Variants in LOXHD1 observed in about 807,000 individuals in gnomAD.
LOXHD1 encodes the protein lipoxygenase homology PLAT domains 1, also known as lipoxygenase homology domain-containing protein 1.
Under a neutral mutation model 248.2 loss-of-function variants are expected in LOXHD1, and 205 were observed. The ratio of observed to expected loss-of-function variants is 0.83; its 90% CI spans 0.74 to 0.93. LOXHD1 has a LOEUF of 0.93. LOXHD1 is among the 40% of genes least tolerant of loss of function. The probability of loss-of-function intolerance (pLI) is 0.00; values close to 1 mark genes in which losing one functional copy is unlikely to be tolerated. For missense variants in LOXHD1, 2,930 were observed against 2,971.6 expected, an observed-to-expected ratio of 0.99 and a Z score of 0.33; for synonymous variants, 1,113 against 1,162.8, an observed-to-expected ratio of 0.96 and a Z score of 0.87.
At chr18:46,605,445 T>C (rs946376792) in intron 6 of LOXHD1, among the ~76,000 whole-genome samples, 6 of 151,886 alleles carry the variant, frequency 4.0e-5, no homozygotes, top group African/African-American at 1.5e-4. Context: ...ACCCAGGAGG[T>C]AGAGCTTGCA....
Position 46,579,696 on chromosome 18 carries a change from C to G in LOXHD1, c.1743G>C (p.Val581=). Residue 581 remains valine (V), a synonymous_variant, in exon 13 of 41, where the codon GTG becomes GTC. Transcript: ENST00000642948. The stretch of plus-strand genomic sequence containing the variant: ...AGAGCAGCCGTTCCCCCGTGTCCCC[C>G]ACATCACCAAAAAGGCAGAGATAGA... The part of the protein sequence containing the change: ...ANVYLCLFGD[V]GDTGERLLYN... The G allele has an allele frequency of 1.9e-6, 3 of 1,551,768 alleles. No individual in the cohort carries two copies. The highest frequency in any genetic ancestry group is 1.4e-5 in the African/African-American group (1 of 73,150).
chr18:46,607,320 C>T (rs1419880072), intron 6 of LOXHD1, among the ~76,000 whole-genome samples: 1 of 149,842 alleles, frequency 6.7e-6, no homozygotes, highest in Non-Finnish European at 1.5e-5. Flanking sequence ...TATATATACA[C>T]ATATATGTGC....
chr18:46,500,838 C>G (rs999057366), intron 37 of LOXHD1, among the ~76,000 whole-genome samples: 1 of 152,132 alleles, frequency 6.6e-6, no homozygotes, highest in African/African-American at 2.4e-5. Context: ...CACATGTGTT[C>G]CTTCATTTTA....
intron 20 of LOXHD1, chr18:46,557,878 C>A: frequency 8.7e-7 from 1 of 1,148,440 alleles, no homozygotes; most frequent in Non-Finnish European, 1.1e-6. Flanking sequence ...TAATCTGCTT[C>A]AATCACATAT....
At chr18:46,614,462 C>T (rs1223698683) in intron 5 of LOXHD1, among the ~76,000 whole-genome samples, 3 of 152,054 alleles carry the variant, frequency 2.0e-5, no homozygotes, top group Non-Finnish European at 2.9e-5. Flanking sequence ...AGCAAACTAT[C>T]GCAAGGATAG....
chr18:46,560,580 C>T, intron 18 of LOXHD1, 35 bp from the exon 19 acceptor site: 1 of 1,489,422 alleles, frequency 6.7e-7, no homozygotes. Context: ...TGTCGTGGCC[C>T]CAGCGTCCTC....
intron 15 of LOXHD1, among the ~76,000 whole-genome samples, chr18:46,571,348 T>C (rs996416222): frequency 6.6e-6 from 1 of 152,140 alleles, no homozygotes; most frequent in African/African-American, 2.4e-5. Flanking sequence ...TGTACACCTA[T>C]TGCCCTAGCT....
Position 46,560,470 on chromosome 18 carries a change from A to G in LOXHD1, c.2674T>C (p.Phe892Leu), listed in dbSNP as rs2037499961. ...TGCCGCAGCCACACGGTGTCCACGA[A>G]CCAGCTGGGCCCAAAGCCCTCGCCC... ...HTGEGFGPSW[F>L]VDTVWLRHLV... is the part of the protein sequence containing the mutation. The change falls in exon 19 of 41, where the codon TTC becomes CTC. Residue 892 changes from phenylalanine (F) to leucine (L), a missense_variant. Coordinates refer to ENST00000642948, the MANE Select transcript of LOXHD1 (RefSeq NM_001384474.1). 2 of 1,540,774 alleles carry G rather than the reference A, an allele frequency of 1.3e-6. No individual in the cohort carries two copies. The highest frequency in any genetic ancestry group is 2.4e-5 in the East Asian group (1 of 40,900).
chr18:46,594,544 G>T (rs2038229154), intron 8 of LOXHD1, 78 bp from the exon 9 acceptor site: 2 of 1,506,992 alleles, frequency 1.3e-6, no homozygotes, highest in Middle Eastern at 2.3e-4. Flanking sequence ...CAGGCTCCCA[G>T]CCCCACATTT....
At chr18:46,633,728 G>C (rs1229295092) in intron 4 of LOXHD1, among the ~76,000 whole-genome samples, 6 of 152,110 alleles carry the variant, frequency 3.9e-5, no homozygotes, top group Non-Finnish European at 5.9e-5. Context: ...TATCTGAAAA[G>C]GGGTTAATAC....
intron 13 of LOXHD1, 99 bp downstream of exon 13, chr18:46,579,531 A>T: frequency 6.8e-7 from 1 of 1,480,290 alleles, no homozygotes; most frequent in Admixed American, 2.0e-5. Context: ...AGGCCCCAGG[A>T]CCAGCATCAG....
At chr18:46,555,780 A>G (rs1428242049) in intron 21 of LOXHD1, among the ~76,000 whole-genome samples, 3 of 152,054 alleles carry the variant, frequency 2.0e-5, no homozygotes, top group Non-Finnish European at 4.4e-5. Context: ...TCAATTCAAC[A>G]TAGACAGTCT....
chr18:46,485,158 T>A lies in LOXHD1; in HGVS notation c.6050-7A>T, dbSNP rs907689730. On this transcript the variant is annotated splice_polypyrimidine_tract_variant and splice_region_variant and intron_variant, in intron 38 of 40. Coordinates refer to ENST00000642948, the MANE Select transcript of LOXHD1 (RefSeq NM_001384474.1). ...TCTATGACGATCTCGTAGGCTGTAA[T>A]GGAGGAGGTGGGGGAGGGTCAGCAC... The A allele has an allele frequency of 6.5e-7, 1 of 1,547,964 alleles. No homozygotes were observed. The highest frequency in any genetic ancestry group is 2.0e-5 in the Admixed American group (1 of 50,556).
intron 5 of LOXHD1, among the ~76,000 whole-genome samples, chr18:46,617,967 C>A (rs2038613373): frequency 6.6e-6 from 1 of 152,188 alleles, no homozygotes; most frequent in Non-Finnish European, 1.5e-5. Flanking sequence ...CACACACCAG[C>A]CATACTATAA....
At chr18:46,626,916 A>G (rs2038750443) in intron 4 of LOXHD1, among the ~76,000 whole-genome samples, 1 of 152,240 alleles carries the variant, frequency 6.6e-6, no homozygotes, top group African/African-American at 2.4e-5. Flanking sequence ...GGATGGATAG[A>G]TTAGATTAAG....
chr18:46,542,861 G>C lies in LOXHD1; in HGVS notation c.3620-6C>G. ...GGACTTCAGGAGGGTCATTCCTGTG[G>C]ATCAGATGACCCCAGCATGACTGGC... On this transcript the variant is annotated splice_region_variant and splice_polypyrimidine_tract_variant and intron_variant, in intron 23 of 40. Transcript: ENST00000642948. 6.4e-7 allele frequency: 1 copy of C among 1,551,616 alleles called. No homozygotes were observed. The highest frequency in any genetic ancestry group is 2.0e-5 in the Admixed American group (1 of 50,992).
intron 29 of LOXHD1, among the ~76,000 whole-genome samples, chr18:46,526,629 A>G (rs747220033): frequency 8.0e-4 from 122 of 152,354 alleles, no homozygotes; most frequent in Admixed American, 1.7e-3. Flanking sequence ...AAGGTCTACA[A>G]ATCCCATGAA....
Position 46,522,253 on chromosome 18 carries a change from T to A in LOXHD1, c.4933A>T (p.Ser1645Cys). ...TGKHKDAATD[S>C]RAFIFLIGED... The stretch of plus-strand genomic sequence containing the variant: ...CCGATGAGAAAGATGAAGGCTCGGC[T>A]GTCAGTGGCCGCGTCCTTGTGCTTC... Residue 1645 changes from serine to cysteine, a missense_variant, in exon 32 of 41, where the codon AGC becomes TGC. Coordinates refer to ENST00000642948, the MANE Select transcript of LOXHD1 (RefSeq NM_001384474.1). 1 of 1,551,872 alleles carries A rather than the reference T, an allele frequency of 6.4e-7. No individual in the cohort carries two copies. Among genetic ancestry groups the A allele is most frequent in the South Asian group, 1.2e-5 (1 of 84,068 alleles).
chr18:46,606,389 G>A (rs891757619), intron 6 of LOXHD1, among the ~76,000 whole-genome samples: 10 of 151,710 alleles, frequency 6.6e-5, no homozygotes, highest in African/African-American at 1.2e-4. Context: ...TCTGAAAACC[G>A]AAATCCAAAA....
Sources: allele counts gnomAD v4.1 joint callset (sites outside exome capture counted in the v4.1 genomes callset), GRCh38; gene constraint gnomAD v4.1.1; transcripts MANE v1.5; gene names NCBI Gene and HGNC (gene_info 2026-07-23, HGNC 2026-07-21).